The following DCAKD variants were observed in gnomAD, a reference collection of about 807,000 sequenced individuals.
DCAKD encodes dephospho-CoA kinase domain-containing protein.
DCAKD carries 15 observed loss-of-function variants against 18.7 expected under a neutral mutation model. The ratio of observed to expected loss-of-function variants is 0.80; its 90% CI spans 0.54 to 1.24. The LOEUF is 1.24. Among genes scored for constraint, DCAKD ranks in the 50% most tolerant of loss-of-function variants. The pLI, the probability that DCAKD is intolerant of heterozygous loss-of-function variation, is 0.00. For missense variants in DCAKD, 301 were observed against 322.0 expected (o/e 0.93, Z 0.50); for synonymous variants, 130 against 133.0 (o/e 0.98, Z 0.16).
chr17:45,029,580 A>G (rs185042967), intron 4 of DCAKD, among the ~76,000 whole-genome samples: 7 of 152,298 alleles, frequency 4.6e-5, no homozygotes, highest in Admixed American at 1.3e-4. Flanking sequence ...TTCTGAGAAC[A>G]AAGTGCCTTC....
intron 1 of DCAKD, among the ~76,000 whole-genome samples, chr17:45,060,243 G>A (rs2053834670): frequency 6.6e-6 from 1 of 152,170 alleles, no homozygotes; most frequent in Non-Finnish European, 1.5e-5. Flanking sequence ...GTTGATGTGG[G>A]CTGGGTGCCG....
chr17:45,040,387 C>CA (rs34624870), intron 1 of DCAKD, among the ~76,000 whole-genome samples: 4,117 of 79,950 alleles, frequency 0.051, 297 homozygotes, highest in African/African-American at 0.17. Context: ...GACTCCATCT[C>CA]AAAAAAAAAA....
chr17:45,061,057 A>G (rs2053845124), exon 1 of DCAKD: 1 of 1,219,298 alleles, frequency 8.2e-7, no homozygotes, highest in African/African-American at 1.5e-5. Context: ...CCGGTTCCCA[A>G]GGGTCGGTCC....
At chr17:45,052,706 A>G (rs962265873), upstream of DCAKD, among the ~76,000 whole-genome samples, 5 of 151,740 alleles carry the variant, frequency 3.3e-5, no homozygotes, top group African/African-American at 9.7e-5. Flanking sequence ...AAAAAAAAAA[A>G]ACAAAAAACA....
rs1253891272 is a variant in DCAKD, at chr17:45,051,476, G to C, written c.-230C>G. On this transcript the variant is annotated 5_prime_UTR_variant, in exon 1 of 5. Coordinates refer to ENST00000651974, the MANE Select transcript of DCAKD (RefSeq NM_001288655.2). ...TCGCCCGGGGCGGTGGCAGCCCCGC[G>C]TAGCAGCCGCGGCCAGGGCCCGCCC... The C allele has an allele frequency of 1.3e-5, 2 of 151,932 alleles. No individual in the cohort carries two copies. Among genetic ancestry groups the C allele is most frequent in the Admixed American group, 6.6e-5 (1 of 15,258 alleles). The allele number at this position is 151,932 out of a possible 1,614,324, so 9.4% of individuals were successfully genotyped here. A position where few individuals can be genotyped will look rare whatever the true frequency, so the allele number is the denominator to read the frequency against.
At chr17:45,035,633 C>T (rs577445708) in intron 1 of DCAKD, among the ~76,000 whole-genome samples, 94 of 152,272 alleles carry the variant, frequency 6.2e-4, no homozygotes, top group African/African-American at 2.2e-3. Flanking sequence ...AAGGAGACAC[C>T]TGTCTCTCTG....
rs2053008864 is a variant in DCAKD at position 45,024,373 on chromosome 17, C to G, written c.*60G>C. ...GCTGAGAGGAAACAGGATGTGTTAC[C>G]TGGCTTCAGCCTCCAAGGAGATAGA... On this transcript the variant is annotated 3_prime_UTR_variant, in exon 5 of 5. Transcript: ENST00000651974. The G allele has an allele frequency of 1.3e-6, 2 of 1,524,022 alleles. No individual in the cohort carries two copies. Among genetic ancestry groups the G allele is most frequent in the Non-Finnish European group, 1.8e-6 (2 of 1,126,402 alleles). 94.4% of individuals were successfully genotyped at this position (1,524,022 alleles called of 1,614,324 possible).
At chr17:45,045,592 C>T (rs1288599270) in intron 1 of DCAKD, among the ~76,000 whole-genome samples, 2 of 151,716 alleles carry the variant, frequency 1.3e-5, no homozygotes, top group Non-Finnish European at 2.9e-5. Flanking sequence ...GTTAGCCGGG[C>T]GTGGTGGCGT....
intron 1 of DCAKD, among the ~76,000 whole-genome samples, chr17:45,043,301 C>G (rs76845539): frequency 0.047 from 7,077 of 151,758 alleles, 224 homozygotes; most frequent in Non-Finnish European, 0.067. Flanking sequence ...GGGGTCGTGT[C>G]AGGATTAAAT....
At chr17:45,030,281 A>G in intron 3 of DCAKD, 102 bp from the exon 4 acceptor site, 1 of 972,284 alleles carries the variant, frequency 1.0e-6, no homozygotes, top group Non-Finnish European at 1.7e-6. Context: ...GCAGAGGGGC[A>G]GGCCTTCCAA....
chr17:45,055,293 T>C (rs577224475), upstream of DCAKD, among the ~76,000 whole-genome samples: 208 of 152,332 alleles, frequency 1.4e-3, 1 homozygote, highest in Non-Finnish European at 4.6e-4. Flanking sequence ...CTCATTTTGT[T>C]TGATGAACAA....
rs996679296 is a variant in DCAKD at position 45,024,291 on chromosome 17, G to A, written c.*142C>T. ...CAGCCCTGATTCGGAGAGTCCGTGTGTGTGTGTGTGTGTGTGTGTGTGTGT... is the reference window on the plus strand; with the variant it reads ...CAGCCCTGATTCGGAGAGTCCGTGTATGTGTGTGTGTGTGTGTGTGTGTGT... On this transcript the variant is annotated 3_prime_UTR_variant, in exon 5 of 5. Coordinates refer to ENST00000651974, the MANE Select transcript of DCAKD (RefSeq NM_001288655.2). 2.2e-4 allele frequency: 90 copies of A among 409,032 alleles called. 1 individual carries two copies. The highest frequency in any genetic ancestry group is 4.5e-4 in the African/African-American group (6 of 13,392). 25.3% of individuals were successfully genotyped at this position (409,032 alleles called of 1,614,324 possible).
chr17:45,023,861 C>T lies in DCAKD; in HGVS notation c.*572G>A, dbSNP rs992665427. The T allele has an allele frequency of 6.5e-6, 1 of 152,970 alleles. No homozygotes were observed. Among genetic ancestry groups the T allele is most frequent in the African/African-American group, 2.4e-5 (1 of 41,574 alleles). 9.5% of individuals were successfully genotyped at this position (152,970 alleles called of 1,614,324 possible). ...GCTACAGCGTTACCCACGAGAGAAT[C>T]CTTGCTGCTTGCTGGCAGCAAGCCA... On this transcript the variant is annotated 3_prime_UTR_variant, in exon 5 of 5. Transcript: ENST00000651974.
intron 1 of DCAKD, among the ~76,000 whole-genome samples, chr17:45,060,376 T>C (rs759653679): frequency 1.3e-5 from 2 of 151,902 alleles, no homozygotes; most frequent in Admixed American, 1.3e-4. Context: ...AATATATAAA[T>C]TATCCGGGTG....
chr17:45,049,671 C>A (rs1475537969), intron 1 of DCAKD, among the ~76,000 whole-genome samples: 1 of 145,042 alleles, frequency 6.9e-6, no homozygotes, highest in Non-Finnish European at 1.5e-5. Context: ...CTAAAGCTAT[C>A]AATCTAAAAC....
chr17:45,057,827 G>A (rs1237187534), intron 1 of DCAKD, among the ~76,000 whole-genome samples: 1 of 151,442 alleles, frequency 6.6e-6, no homozygotes, highest in Non-Finnish European at 1.5e-5. Flanking sequence ...CCTGGCCAAC[G>A]TGGTGAAACC....
At chr17:45,039,616 G>A (rs549568289) in intron 1 of DCAKD, among the ~76,000 whole-genome samples, 1 of 152,324 alleles carries the variant, frequency 6.6e-6, no homozygotes, top group South Asian at 2.1e-4. Flanking sequence ...CTCCAGCCTG[G>A]CCCAGGGTGG....
At chr17:45,054,155 C>A (rs191559253), upstream of DCAKD, 85 of 518,526 alleles carry the variant, frequency 1.6e-4, no homozygotes, top group African/African-American at 1.5e-3. Context: ...GGTACAAACA[C>A]CCTGCCAGTA....
chr17:45,046,110 G>A (rs1453350510), intron 1 of DCAKD, among the ~76,000 whole-genome samples: 1 of 152,050 alleles, frequency 6.6e-6, no homozygotes, highest in African/African-American at 2.4e-5. Flanking sequence ...TTACAGGCGT[G>A]AGCCACTGTG....
Sources: allele counts gnomAD v4.1 joint callset (sites outside exome capture counted in the v4.1 genomes callset), GRCh38; gene constraint gnomAD v4.1.1; transcripts MANE v1.5; gene names NCBI Gene and HGNC (gene_info 2026-07-23, HGNC 2026-07-21).